The following FAAH2 variants were observed in gnomAD, a reference collection of about 807,000 sequenced individuals.
The protein encoded by FAAH2 is fatty-acid amide hydrolase 2.
In FAAH2, 60 loss-of-function variants were observed where a neutral mutation model predicts 36.9. The observed-to-expected ratio is 1.63, with a 90% CI of 1.32 to 2.02. The LOEUF (loss-of-function observed/expected upper bound fraction) is 2.02. Ranked by LOEUF, FAAH2 falls within the 30% of genes most tolerant of loss-of-function variation. FAAH2 has a pLI of 0.00. For missense variants in FAAH2, 689 were observed against 397.5 expected, an observed-to-expected ratio of 1.73 and a Z score of -6.23; for synonymous variants, 214 against 143.8, an observed-to-expected ratio of 1.49 and a Z score of -3.49.
chrX:57,433,665 C>A (rs765996331), intron 8 of FAAH2, among the ~76,000 whole-genome samples: 2 of 112,071 alleles, frequency 1.8e-5, no homozygotes, highest in Non-Finnish European at 3.8e-5. Context: ...CAACAAAGTA[C>A]TTTAAACTAT....
the FAAH2 span, chrX:57,137,497 G>A: frequency 1.4e-4 from 28 of 204,881 alleles, no homozygotes; most frequent in Non-Finnish European, 1.9e-4. Context: ...AGTCCCTGAT[G>A]CAGTGGCTGT....
At chrX:57,193,806 C>A in the FAAH2 span, among the ~76,000 whole-genome samples, 1 of 111,984 alleles carries the variant, frequency 8.9e-6, no homozygotes, top group South Asian at 3.7e-4. Flanking sequence ...ACCCTTAATT[C>A]TGTTGATATG....
chrX:57,168,385 TACAC>T, the FAAH2 span, among the ~76,000 whole-genome samples: 3,514 of 104,559 alleles, frequency 0.034, 76 homozygotes, highest in Non-Finnish European at 0.053. Flanking sequence ...ATATGTGTGT[TACAC>T]ACACACACAC....
chrX:57,192,990 A>T, the FAAH2 span, among the ~76,000 whole-genome samples: 1 of 112,216 alleles, frequency 8.9e-6, no homozygotes, highest in African/African-American at 3.2e-5. Flanking sequence ...TTTGAACAAT[A>T]TGAAATCTGG....
the FAAH2 span, among the ~76,000 whole-genome samples, chrX:57,160,776 G>A: frequency 9.0e-6 from 1 of 111,575 alleles, no homozygotes; most frequent in Non-Finnish European, 1.9e-5. Context: ...CTTGCTAATG[G>A]TCTTTCAATT....
Position 57,333,608 on chromosome X carries a change from A to AAT in FAAH2, c.622+1805_622+1806dup, listed in dbSNP as rs1555973504. ...AAGCAAATGCTAGAAATAAAAAAAA[A>AAT]ATATAACAGAAATGAAGAACATCTT... is the stretch of plus-strand genomic sequence containing the variant. On this transcript the variant is annotated intron_variant, in intron 4 of 10. Coordinates refer to ENST00000374900, the MANE Select transcript of FAAH2 (RefSeq NM_174912.4). Among the ~76,000 whole-genome samples, 584 of 110,733 alleles carry AAT rather than the reference A, an allele frequency of 5.3e-3. 4 individuals are homozygous for AAT. The highest frequency in any genetic ancestry group is 7.6e-3 in the Non-Finnish European group (402 of 52,707).
the FAAH2 span, among the ~76,000 whole-genome samples, chrX:57,162,739 G>T: frequency 9.0e-6 from 1 of 111,438 alleles, no homozygotes; most frequent in African/African-American, 3.3e-5. Flanking sequence ...TGTCTGTATT[G>T]GTTATTCTAG....
At chrX:57,252,165 G>A in the FAAH2 span, among the ~76,000 whole-genome samples, 28 of 112,624 alleles carry the variant, frequency 2.5e-4, 1 homozygote, top group Admixed American at 2.1e-3. Context: ...TTTGGCAGGG[G>A]GAGGGGCGTC....
the FAAH2 span, among the ~76,000 whole-genome samples, chrX:57,203,326 C>G: frequency 8.9e-6 from 1 of 112,378 alleles, no homozygotes; most frequent in Non-Finnish European, 1.9e-5. Context: ...ATCACTCATG[C>G]TATTGTTTGT....
At chrX:57,314,599 C>T (rs1445004677) in intron 3 of FAAH2, among the ~76,000 whole-genome samples, 2 of 110,876 alleles carry the variant, frequency 1.8e-5, no homozygotes, top group African/African-American at 6.6e-5. Flanking sequence ...TACATGGAAA[C>T]TAAACAACTT....
At chrX:57,447,409 G>A (rs1396404807) in intron 9 of FAAH2, among the ~76,000 whole-genome samples, 3 of 111,698 alleles carry the variant, frequency 2.7e-5, no homozygotes, top group Admixed American at 9.5e-5. Context: ...GCTCCACTAG[G>A]CAGTGCTCCA....
At chrX:57,484,434 C>T (rs931856760) in intron 10 of FAAH2, among the ~76,000 whole-genome samples, 2 of 111,034 alleles carry the variant, frequency 1.8e-5, no homozygotes, top group Non-Finnish European at 3.8e-5. Flanking sequence ...GCCTTCATGT[C>T]GTAAATAGGC....
At chrX:57,340,719 C>A (rs1306866588) in intron 4 of FAAH2, among the ~76,000 whole-genome samples, 2 of 111,594 alleles carry the variant, frequency 1.8e-5, no homozygotes, top group Non-Finnish European at 3.8e-5. Context: ...CATGTTCTCA[C>A]TTATAAGTGG....
At chrX:57,158,764 A>T in the FAAH2 span, among the ~76,000 whole-genome samples, 1 of 111,711 alleles carries the variant, frequency 9.0e-6, no homozygotes, top group African/African-American at 3.3e-5. Context: ...AGATGAGTAG[A>T]TTGCAAAAAT....
At chrX:57,327,382 G>T (rs945408618) in intron 3 of FAAH2, among the ~76,000 whole-genome samples, 1 of 110,345 alleles carries the variant, frequency 9.1e-6, no homozygotes, top group African/African-American at 3.3e-5. Flanking sequence ...TCTGAATGAT[G>T]GCCTGCCTTG....
chrX:57,190,844 C>T, the FAAH2 span, among the ~76,000 whole-genome samples: 1 of 110,957 alleles, frequency 9.0e-6, no homozygotes, highest in Non-Finnish European at 1.9e-5. Flanking sequence ...AATGTTCGGC[C>T]ATCCTGCAAT....
chrX:57,285,495 G>GT (rs1445372286), upstream of FAAH2, among the ~76,000 whole-genome samples: 3 of 111,853 alleles, frequency 2.7e-5, no homozygotes, highest in Admixed American at 9.5e-5. Flanking sequence ...ATAACAGAGG[G>GT]TTGTAAGTGC....
At chrX:57,479,800 C>A (rs1215812240) in intron 10 of FAAH2, among the ~76,000 whole-genome samples, 2 of 111,233 alleles carry the variant, frequency 1.8e-5, no homozygotes, top group African/African-American at 3.3e-5. Flanking sequence ...ACTGAACCAG[C>A]CTTGCATCCC....
intron 7 of FAAH2, chrX:57,392,786 G>C (rs550312820): frequency 8.0e-6 from 5 of 626,367 alleles, no homozygotes; most frequent in Non-Finnish European, 1.4e-5. Flanking sequence ...TGTTGCGAAT[G>C]GGCAGAATGA....
Sources: gnomAD v4.1 joint callset for allele counts (sites outside exome capture counted in the v4.1 genomes callset) on GRCh38, gnomAD v4.1.1 for gene constraint, MANE v1.5 for transcripts, NCBI Gene and HGNC (gene_info 2026-07-23, HGNC 2026-07-21) for gene names.